TNR: variants seen among roughly 807,000 people sequenced by gnomAD.
The protein encoded by TNR is tenascin R, also known as tenascin-R.
In TNR, 45 loss-of-function variants were observed where a neutral mutation model predicts 150.4. The ratio of observed to expected loss-of-function variants is 0.30; its 90% CI spans 0.24 to 0.38. The LOEUF (loss-of-function observed/expected upper bound fraction) is 0.38, where lower values mean the gene tolerates loss of function less well. Ranked by LOEUF, TNR falls within the 10% of genes least tolerant of loss-of-function variation. TNR has a pLI of 1.00. For missense variants in TNR, 1,544 were observed against 1,759.1 expected (o/e 0.88, Z 2.19); for synonymous variants, 687 against 678.4 (o/e 1.01, Z -0.20).
At chr1:175,555,421 G>A (rs1158863349) in intron 1 of TNR, among the ~76,000 whole-genome samples, 1 of 151,730 alleles carries the variant, frequency 6.6e-6, no homozygotes, top group East Asian at 1.9e-4. Context: ...CAGCTCCTGG[G>A]CTGCCCCTCT....
chr1:175,404,343 A>G (rs1357618134), intron 3 of TNR, among the ~76,000 whole-genome samples: 3 of 152,086 alleles, frequency 2.0e-5, no homozygotes, highest in Non-Finnish European at 4.4e-5. Flanking sequence ...CTGCTCATTC[A>G]TCAAAACCCA....
intron 1 of TNR, among the ~76,000 whole-genome samples, chr1:175,621,233 T>G (rs190552312): frequency 1.3e-5 from 2 of 152,276 alleles, no homozygotes; most frequent in Admixed American, 1.3e-4. Context: ...TCTCACTGTC[T>G]ACATCTATCT....
rs983978685 is a variant in TNR, at chr1:175,599,410, C to A, written c.-164-71041G>T. ...CGGAGGGGCCCGGCGGAGCTGTGTT[C>A]GTGTTGTCATGGCGACGGAAGCAGA... On this transcript the variant is annotated intron_variant, in intron 1 of 22. Coordinates refer to ENST00000367674, the MANE Select transcript of TNR (RefSeq NM_003285.3). The surrounding 1 kb of genome is among the most constrained non-coding windows in gnomAD (Gnocchi z 4.7). Among the ~76,000 whole-genome samples the A allele has an allele frequency of 1.3e-5, 2 of 152,218 alleles. No individual in the cohort carries two copies. Among genetic ancestry groups the A allele is most frequent in the African/African-American group, 4.8e-5 (2 of 41,456 alleles).
At position 175,493,756 on chromosome 1, in the gene TNR, C is replaced by T. The variant is rs111781766; in HGVS notation, c.-64+34513G>A. On this transcript the variant is annotated intron_variant, in intron 2 of 22. Transcript: ENST00000367674. ...GGTCCTGGCCCCAAGCCATGGGAGC[C>T]GGTGCCTGGGCAGCAAGGTGAGAGC... Among the ~76,000 whole-genome samples the T allele has an allele frequency of 9.9e-3, 1,499 of 152,176 alleles. 18 individuals are homozygous for T. Among genetic ancestry groups the T allele is most frequent in the Non-Finnish European group, 0.015 (991 of 68,004 alleles).
intron 21 of TNR, among the ~76,000 whole-genome samples, chr1:175,327,778 A>G (rs1649491174): frequency 6.6e-6 from 1 of 152,122 alleles, no homozygotes; most frequent in Non-Finnish European, 1.5e-5. Context: ...GCCGTCCTCC[A>G]CCACCCAGAC....
intron 1 of TNR, among the ~76,000 whole-genome samples, chr1:175,676,217 GT>G (rs1273275087): frequency 6.6e-6 from 1 of 152,166 alleles, no homozygotes; most frequent in Non-Finnish European, 1.5e-5. Flanking sequence ...TCAGCTACCA[GT>G]TGTCTGCATT....
At chr1:175,669,050 T>TCCCC (rs1208094886) in intron 1 of TNR, among the ~76,000 whole-genome samples, 1 of 152,172 alleles carries the variant, frequency 6.6e-6, no homozygotes, top group Non-Finnish European at 1.5e-5. Context: ...CCCAGCTGCT[T>TCCCC]CCCCAGAGGC....
chr1:175,468,653 C>T (rs1657139658), intron 2 of TNR, among the ~76,000 whole-genome samples: 1 of 152,006 alleles, frequency 6.6e-6, no homozygotes, highest in Non-Finnish European at 1.5e-5. Context: ...CAGTATGACC[C>T]GGAGCATCCC....
chr1:175,735,111 G>C (rs1245728658), intron 1 of TNR, among the ~76,000 whole-genome samples: 1 of 152,192 alleles, frequency 6.6e-6, no homozygotes, highest in Non-Finnish European at 1.5e-5. Context: ...CTTTATAGGT[G>C]GCTCTGGCCT....
intron 1 of TNR, among the ~76,000 whole-genome samples, chr1:175,661,475 C>T (rs374231905): frequency 1.3e-5 from 2 of 152,146 alleles, no homozygotes; most frequent in African/African-American, 2.4e-5. Context: ...AAGACTTGGC[C>T]GGGGCAATGG....
intron 1 of TNR, among the ~76,000 whole-genome samples, chr1:175,680,550 T>C (rs1388813329): frequency 6.6e-6 from 1 of 151,586 alleles, no homozygotes; most frequent in Non-Finnish European, 1.5e-5. Flanking sequence ...AGTAGAGAGA[T>C]GAGAGAAATC....
At chr1:175,445,944 G>T (rs547512556) in intron 2 of TNR, among the ~76,000 whole-genome samples, 1 of 152,088 alleles carries the variant, frequency 6.6e-6, no homozygotes, top group Non-Finnish European at 1.5e-5. Flanking sequence ...AATTTCATTC[G>T]AGCCATTATG....
intron 1 of TNR, among the ~76,000 whole-genome samples, chr1:175,568,470 C>T (rs547668330): frequency 2.6e-5 from 4 of 152,306 alleles, no homozygotes; most frequent in African/African-American, 9.6e-5. Flanking sequence ...CTTCACTTTA[C>T]AAGAGGTGCT....
intron 2 of TNR, among the ~76,000 whole-genome samples, chr1:175,480,429 A>AAGAAAGAAAGAAAG (rs985950713): frequency 6.7e-6 from 1 of 149,728 alleles, no homozygotes; most frequent in Non-Finnish European, 1.5e-5. Flanking sequence ...AAAAGAAAGA[A>AAGAAAGAAAGAAAG]AGAAAGAAAG....
chr1:175,470,157 C>T lies in TNR; in HGVS notation c.-64+58112G>A, dbSNP rs574363571. 8.5e-5 allele frequency among the ~76,000 whole-genome samples: 13 copies of T among 152,074 alleles called. No homozygotes were observed. The South Asian group carries it at 1.7e-3, about 19-fold the overall frequency. On this transcript the variant is annotated intron_variant, in intron 2 of 22. Coordinates refer to ENST00000367674, the MANE Select transcript of TNR (RefSeq NM_003285.3). ...GCATTTGAGGAGTCTACAGAGAACT[C>T]GAATAAGCAGCTGATATGTGGATCT...
rs185200590 is a variant in TNR, at chr1:175,405,767, G to C, written c.499+449C>G. ...TATCATCTACTCAGATGGGAGAAAG[G>C]CTGCGATTGAGTGAACAGAGCGTCT... On this transcript the variant is annotated intron_variant, in intron 3 of 22. Transcript: ENST00000367674. Among the ~76,000 whole-genome samples, 764 of 152,208 alleles carry C rather than the reference G, an allele frequency of 5.0e-3. 2 individuals are homozygous for C. Among genetic ancestry groups the C allele is most frequent in the Middle Eastern group, 0.027 (8 of 294 alleles).
At chr1:175,568,272 C>T (rs1306547894) in intron 1 of TNR, among the ~76,000 whole-genome samples, 2 of 151,658 alleles carry the variant, frequency 1.3e-5, no homozygotes, top group Non-Finnish European at 2.9e-5. Flanking sequence ...TGGATCACTG[C>T]TTTTCTCTCT....
intron 18 of TNR, among the ~76,000 whole-genome samples, chr1:175,353,484 G>A (rs1325072817): frequency 1.3e-5 from 2 of 152,136 alleles, no homozygotes; most frequent in Non-Finnish European, 1.5e-5. Flanking sequence ...CTTAAGGAGG[G>A]AAGGCAGCCG....
chr1:175,491,840 G>A (rs934437289), intron 2 of TNR, among the ~76,000 whole-genome samples: 19 of 151,906 alleles, frequency 1.3e-4, no homozygotes, highest in South Asian at 4.2e-4. Flanking sequence ...TAGTAGAGAC[G>A]GGGTTTCACT....
Sources: gnomAD v4.1 joint callset for allele counts (sites outside exome capture counted in the v4.1 genomes callset) on GRCh38, gnomAD v4.1.1 for gene constraint, Gnocchi (gnomAD v3.1) non-coding constraint, MANE v1.5 for transcripts, NCBI Gene and HGNC (gene_info 2026-07-23, HGNC 2026-07-21) for gene names.